The following ZCCHC7 variants were observed in gnomAD, a reference collection of about 807,000 sequenced individuals.
ZCCHC7 encodes zinc finger CCHC-type containing 7.
A neutral mutation model predicts 52.0 loss-of-function variants in ZCCHC7; 35 were observed. The observed-to-expected ratio is 0.67, with a 90% CI of 0.51 to 0.89. ZCCHC7 has a LOEUF of 0.89. Among genes scored for constraint, ZCCHC7 ranks in the 40% least tolerant of loss-of-function variants. ZCCHC7 has a pLI of 0.00. For missense variants in ZCCHC7, 574 were observed against 649.1 expected (o/e 0.88, Z 1.26); for synonymous variants, 217 against 221.5 (o/e 0.98, Z 0.18).
At chr9:37,256,890 A>G (rs1261488431) in intron 2 of ZCCHC7, among the ~76,000 whole-genome samples, 1 of 152,202 alleles carries the variant, frequency 6.6e-6, no homozygotes, top group East Asian at 1.9e-4. Context: ...CAACTGCATA[A>G]CTGTGTAATG....
chr9:37,204,713 T>C (rs1366742997), intron 2 of ZCCHC7, among the ~76,000 whole-genome samples: 2 of 151,668 alleles, frequency 1.3e-5, no homozygotes. Flanking sequence ...ACTGTAGCCT[T>C]GTAGTATAGT....
At chr9:37,289,023 G>A (rs1369314189) in intron 2 of ZCCHC7, among the ~76,000 whole-genome samples, 2 of 152,184 alleles carry the variant, frequency 1.3e-5, no homozygotes, top group Admixed American at 6.5e-5. Flanking sequence ...TGCTAATCCA[G>A]CCTGTCCAAA....
In ZCCHC7 at chr9:37,120,614, A is replaced by G. The variant is rs1011121853; in HGVS notation, c.-31A>G. On this transcript the variant is annotated 5_prime_UTR_variant, in exon 1 of 9. Transcript: ENST00000336755. ...TTCCCGGTTGGTGCTTCCTGTTCGC[A>G]GCTGCGGCAGTGAGTATGTGTGTGA... 3 of 398,092 alleles carry G rather than the reference A, an allele frequency of 7.5e-6. No homozygotes were observed. The highest frequency in any genetic ancestry group is 4.4e-5 in the Admixed American group (1 of 22,690). The allele number at this position is 398,092 out of a possible 1,614,324, so 24.7% of individuals were successfully genotyped here. A position where few individuals can be genotyped will look rare whatever the true frequency, so the allele number is the denominator to read the frequency against.
intron 6 of ZCCHC7, 112 bp downstream of exon 6, chr9:37,327,946 C>G: frequency 8.5e-7 from 1 of 1,182,570 alleles, no homozygotes; most frequent in Non-Finnish European, 1.2e-6. Context: ...TAATAAACAT[C>G]TGAAGAGTTT....
chr9:37,351,192 C>G (rs1821356637), intron 7 of ZCCHC7, among the ~76,000 whole-genome samples: 1 of 152,186 alleles, frequency 6.6e-6, no homozygotes, highest in Non-Finnish European at 1.5e-5. Flanking sequence ...GGATGAGGCT[C>G]TGAGCCTCAG....
chr9:37,296,881 T>TTGTGTATGTGTGTGTGTG (rs1396008500), intron 2 of ZCCHC7, among the ~76,000 whole-genome samples: 12 of 124,204 alleles, frequency 9.7e-5, no homozygotes, highest in African/African-American at 3.6e-4. Flanking sequence ...CCTGGCTAGT[T>TTGTGTATGTGTGTGTGTG]TGTGTGTGTG....
At chr9:37,219,750 A>C (rs1824714305) in intron 2 of ZCCHC7, among the ~76,000 whole-genome samples, 1 of 152,258 alleles carries the variant, frequency 6.6e-6, no homozygotes, top group Admixed American at 6.5e-5. Flanking sequence ...TGAGTCCAAA[A>C]GTTTAAATTG....
At chr9:37,310,115 T>C (rs906296893) in intron 5 of ZCCHC7, among the ~76,000 whole-genome samples, 1 of 152,148 alleles carries the variant, frequency 6.6e-6, no homozygotes, top group African/African-American at 2.4e-5. Flanking sequence ...AAATTGCTCA[T>C]TGGTTAACTA....
chr9:37,328,932 A>C (rs933288799), intron 6 of ZCCHC7, among the ~76,000 whole-genome samples: 13 of 151,928 alleles, frequency 8.6e-5, no homozygotes. Context: ...TTTGTTAAAA[A>C]CTTAAGTGTT....
chr9:37,181,493 C>T (rs1822351123), intron 2 of ZCCHC7, among the ~76,000 whole-genome samples: 1 of 152,128 alleles, frequency 6.6e-6, no homozygotes, highest in Non-Finnish European at 1.5e-5. Context: ...GATAAATTGA[C>T]ATACAAAATG....
intron 2 of ZCCHC7, among the ~76,000 whole-genome samples, chr9:37,159,243 A>G (rs1039066488): frequency 1.3e-5 from 2 of 152,224 alleles, no homozygotes; most frequent in African/African-American, 2.4e-5. Context: ...ATTCAACTAC[A>G]GTAACTTGAT....
chr9:37,268,562 G>A, intron 2 of ZCCHC7, among the ~76,000 whole-genome samples: 1 of 152,034 alleles, frequency 6.6e-6, no homozygotes, highest in Non-Finnish European at 1.5e-5. Context: ...AAGTAGCTGG[G>A]ACTACAGGCG....
chr9:37,176,000 T>A (rs1056382838), intron 2 of ZCCHC7, among the ~76,000 whole-genome samples: 1 of 152,250 alleles, frequency 6.6e-6, no homozygotes, highest in Admixed American at 6.5e-5. Context: ...AGTGTAATGG[T>A]TGAATATGGC....
chr9:37,221,582 T>A (rs969888737), intron 2 of ZCCHC7, among the ~76,000 whole-genome samples: 2 of 152,176 alleles, frequency 1.3e-5, no homozygotes, highest in Non-Finnish European at 2.9e-5. Context: ...AATTTTGATT[T>A]GAGGCATTGG....
At chr9:37,305,203 A>T (rs2133712969) in intron 4 of ZCCHC7, among the ~76,000 whole-genome samples, 1 of 152,292 alleles carries the variant, frequency 6.6e-6, no homozygotes, top group African/African-American at 2.4e-5. Flanking sequence ...CTCCAGTCAA[A>T]ACAGCTTCTT....
rs1391026481 is a variant in ZCCHC7 at position 37,272,490 on chromosome 9, G to GT, written c.611-29697dup. ...CCTTTACATGTTTCAAAGCTGTGTG[G>GT]TAAAAAAAAAAAAAAAAAAAAAAAG... On this transcript the variant is annotated intron_variant, in intron 2 of 8. Transcript: ENST00000336755. Among the ~76,000 whole-genome samples the GT allele has an allele frequency of 9.9e-3, 1,266 of 128,116 alleles. 8 individuals are homozygous for GT. The highest frequency in any genetic ancestry group is 0.015 in the Admixed American group (189 of 12,806). The allele number at this position is 128,116 out of a possible 152,430, so 84.0% of individuals were successfully genotyped here.
Position 37,126,266 on chromosome 9 carries a change from T to C in ZCCHC7, c.-21-46T>C, listed in dbSNP as rs566878774. On this transcript the variant is annotated intron_variant, in intron 1 of 8. Coordinates refer to ENST00000336755, the MANE Select transcript of ZCCHC7 (RefSeq NM_032226.3). Reference sequence around the variant, plus strand: ...GATATTGTTACTTAAACTGGCATGATCTGAACTTTTAAAGTATATTCTGTG... The same window carrying C: ...GATATTGTTACTTAAACTGGCATGACCTGAACTTTTAAAGTATATTCTGTG... The C allele has an allele frequency of 5.5e-5, 84 of 1,518,378 alleles. No individual in the cohort carries two copies. The African/African-American group carries it at 1.0e-3, about 18-fold the overall frequency. 94.1% of individuals were successfully genotyped at this position (1,518,378 alleles called of 1,614,324 possible).
chr9:37,352,123 G>C (rs1015115261), intron 7 of ZCCHC7, among the ~76,000 whole-genome samples: 2 of 152,210 alleles, frequency 1.3e-5, no homozygotes, highest in African/African-American at 2.4e-5. Flanking sequence ...TTTACATTTA[G>C]CTTTGGAAAA....
At position 37,358,022 on chromosome 9, in the gene ZCCHC7, A is replaced by T. The variant is rs1821814196; in HGVS notation, c.*754A>T. On this transcript the variant is annotated 3_prime_UTR_variant, in exon 9 of 9. Transcript: ENST00000336755. Reference sequence around the variant, plus strand: ...CTGCAGAGATGAATATTACTCAAAAAATTTTTTTGTTCTCTTGCATTTTTT... The same window carrying T: ...CTGCAGAGATGAATATTACTCAAAATATTTTTTTGTTCTCTTGCATTTTTT... 6.6e-6 allele frequency: 1 copy of T among 152,142 alleles called. No homozygotes were observed. The highest frequency in any genetic ancestry group is 1.5e-5 in the Non-Finnish European group (1 of 68,020). The allele number at this position is 152,142 out of a possible 1,614,324, so 9.4% of individuals were successfully genotyped here. A position where few individuals can be genotyped will look rare whatever the true frequency, so the allele number is the denominator to read the frequency against.
Sources: gnomAD v4.1 joint callset for allele counts (sites outside exome capture counted in the v4.1 genomes callset) on GRCh38, gnomAD v4.1.1 for gene constraint, MANE v1.5 for transcripts, NCBI Gene and HGNC (gene_info 2026-07-23, HGNC 2026-07-21) for gene names.